The following CRISPLD1 variants were observed in gnomAD, a reference collection of about 807,000 sequenced individuals.
CRISPLD1 encodes the protein cysteine-rich secretory protein LCCL domain-containing 1.
Under a neutral mutation model 77.5 loss-of-function variants are expected in CRISPLD1, and 60 were observed. The observed-to-expected ratio is 0.77, with a 90% CI of 0.63 to 0.96. The LOEUF (loss-of-function observed/expected upper bound fraction) is 0.96. CRISPLD1 is among the 40% of genes least tolerant of loss of function. CRISPLD1 has a pLI of 0.00. For missense variants in CRISPLD1, 623 were observed against 615.8 expected, an observed-to-expected ratio of 1.01 and a Z score of -0.12; for synonymous variants, 195 against 200.1, an observed-to-expected ratio of 0.97 and a Z score of 0.22.
chr8:75,008,940 T>C (rs879060543), intron 2 of CRISPLD1, among the ~76,000 whole-genome samples: 1 of 152,172 alleles, frequency 6.6e-6, no homozygotes, highest in Non-Finnish European at 1.5e-5. Flanking sequence ...ATAAGCAAAC[T>C]TGAAACACTT....
intron 2 of CRISPLD1, among the ~76,000 whole-genome samples, chr8:75,005,836 G>C (rs1812820808): frequency 6.6e-6 from 1 of 152,160 alleles, no homozygotes. Flanking sequence ...CTCCAGCCTA[G>C]ATCCGGACTT....
chr8:74,989,941 C>T (rs1204450684), intron 2 of CRISPLD1, among the ~76,000 whole-genome samples: 1 of 152,058 alleles, frequency 6.6e-6, no homozygotes, highest in Non-Finnish European at 1.5e-5. Flanking sequence ...AGAATGAAAT[C>T]ATGTCTTTTG....
chr8:75,031,817 T>G (rs1200128124), intron 14 of CRISPLD1, among the ~76,000 whole-genome samples: 4 of 152,012 alleles, frequency 2.6e-5, no homozygotes, highest in African/African-American at 9.7e-5. Flanking sequence ...GCATATCAGT[T>G]GTAAATCTGA....
At chr8:74,998,242 G>A (rs1309214280) in intron 2 of CRISPLD1, among the ~76,000 whole-genome samples, 1 of 152,146 alleles carries the variant, frequency 6.6e-6, no homozygotes, top group East Asian at 1.9e-4. Flanking sequence ...CATCAGCTGA[G>A]TTGAGAGGGC....
Position 75,029,158 on chromosome 8 carries a change from T to TA in CRISPLD1, c.1321-228dup, listed in dbSNP as rs534948455. Among the ~76,000 whole-genome samples, 41 of 152,338 alleles carry TA rather than the reference T, an allele frequency of 2.7e-4. No homozygotes were observed. The East Asian group carries it at 7.9e-3, about 29-fold the overall frequency. On this transcript the variant is annotated intron_variant, in intron 13 of 14. Transcript: ENST00000262207. ...GCTAGATTAGATTGGGGAGGGGTCT[T>TA]ACCGTTGCAGTCACCTTTAAGGTTG...
intron 2 of CRISPLD1, among the ~76,000 whole-genome samples, chr8:75,003,285 A>G (rs1812776597): frequency 6.6e-6 from 1 of 152,198 alleles, no homozygotes; most frequent in African/African-American, 2.4e-5. Context: ...TTTGGATGTC[A>G]AATTGTAGAT....
At chr8:75,031,757 C>T (rs1009393111) in intron 14 of CRISPLD1, among the ~76,000 whole-genome samples, 5 of 151,954 alleles carry the variant, frequency 3.3e-5, no homozygotes, top group African/African-American at 1.2e-4. Context: ...AATAAGCTAG[C>T]GCTCTAGAGT....
chr8:75,029,404 A>T lies in CRISPLD1; in HGVS notation c.1338A>T (p.Arg446Ser). 1 of 1,613,288 alleles carries T rather than the reference A, an allele frequency of 6.2e-7. No individual in the cohort carries two copies. The highest frequency in any genetic ancestry group is 1.1e-5 in the South Asian group (1 of 90,998). Residue 446 changes from arginine to serine, a missense_variant, in exon 14 of 15, where the codon AGA (arginine) becomes AGT (serine). By Grantham distance (110) the Arg-to-Ser change is moderately radical (BLOSUM62 -1). Transcript: ENST00000262207. ...RVYSDLSSIC[R>S]AAVHAGVVRN... is the part of the protein sequence containing the mutation. ...CTTCTCAGCTGTCCAGTATCTGCAG[A>T]GCAGCAGTACATGCTGGAGTGGTTC...
At chr8:75,011,943 A>G (rs1457173091) in intron 2 of CRISPLD1, among the ~76,000 whole-genome samples, 3 of 152,208 alleles carry the variant, frequency 2.0e-5, no homozygotes, top group Non-Finnish European at 4.4e-5. Context: ...GATAGCTTAC[A>G]TCTAAGAGAA....
rs989961410 is a variant in CRISPLD1, at chr8:75,014,119, C to T, written c.626+17C>T. The stretch of plus-strand genomic sequence containing the variant: ...CTCCCCAAAGTGAGTAGACAAAACA[C>T]TACGTTCAGATGTACATTTTTCTTA... On this transcript the variant is annotated intron_variant, in intron 5 of 14. Coordinates refer to ENST00000262207, the MANE Select transcript of CRISPLD1 (RefSeq NM_031461.6). The T allele has an allele frequency of 2.1e-6, 3 of 1,446,360 alleles. No individual in the cohort carries two copies. Among genetic ancestry groups the T allele is most frequent in the African/African-American group, 1.4e-5 (1 of 71,676 alleles). 89.6% of individuals were successfully genotyped at this position (1,446,360 alleles called of 1,614,324 possible).
At chr8:74,987,736 G>T (rs72622856) in intron 2 of CRISPLD1, among the ~76,000 whole-genome samples, 18,893 of 152,094 alleles carry the variant, frequency 0.12, 1,720 homozygotes, top group African/African-American at 0.25. Context: ...CTCCAACTAG[G>T]CTACTGTATG....
intron 5 of CRISPLD1, among the ~76,000 whole-genome samples, chr8:75,014,471 A>T (rs1812992147): frequency 6.6e-6 from 1 of 152,144 alleles, no homozygotes; most frequent in Admixed American, 6.5e-5. Context: ...TAACAATGTG[A>T]CACAATCATA....
intron 3 of CRISPLD1, 37 bp from the exon 4 acceptor site, chr8:75,012,853 C>A (rs771653656): frequency 1.9e-6 from 3 of 1,577,536 alleles, no homozygotes; most frequent in Non-Finnish European, 2.6e-6. Flanking sequence ...TTTTCTCCAA[C>A]TTTGCTTGCC....
Position 74,990,078 on chromosome 8 carries a change from TG to T in CRISPLD1, c.258+3834del. 2.0e-5 allele frequency among the ~76,000 whole-genome samples: 3 copies of T among 152,278 alleles called. No homozygotes were observed. The East Asian group carries it at 5.8e-4, about 29-fold the overall frequency. On this transcript the variant is annotated intron_variant, in intron 2 of 14. Coordinates refer to ENST00000262207, the MANE Select transcript of CRISPLD1 (RefSeq NM_031461.6). ...GTGCACATGGACATAGGAAGTGGAC[TG>T]ATAAACACCGGAGACTTGGAAAGGT...
At chr8:74,994,931 G>A (rs971427054) in intron 2 of CRISPLD1, among the ~76,000 whole-genome samples, 3 of 152,164 alleles carry the variant, frequency 2.0e-5, no homozygotes, top group Non-Finnish European at 4.4e-5. Context: ...GAAAGATGGG[G>A]CGCAGTGTGA....
At chr8:75,030,606 A>T (rs1031933871) in intron 14 of CRISPLD1, among the ~76,000 whole-genome samples, 12 of 152,024 alleles carry the variant, frequency 7.9e-5, no homozygotes, top group Non-Finnish European at 1.3e-4. Flanking sequence ...CAGATGTTAG[A>T]TGCTCCTGAG....
intron 13 of CRISPLD1, chr8:75,026,840 C>G (rs1424511102): frequency 6.6e-6 from 1 of 152,154 alleles, no homozygotes; most frequent in African/African-American, 2.4e-5. Flanking sequence ...GAGTCTCTCT[C>G]AAGCTCCAGA....
chr8:75,000,587 G>C (rs528605214), intron 2 of CRISPLD1, among the ~76,000 whole-genome samples: 1 of 152,046 alleles, frequency 6.6e-6, no homozygotes, highest in East Asian at 1.9e-4. Flanking sequence ...TCTCCTTTCT[G>C]CTTCCTTTAA....
chr8:74,993,297 T>G (rs1360658873), intron 2 of CRISPLD1, among the ~76,000 whole-genome samples: 1 of 152,224 alleles, frequency 6.6e-6, no homozygotes, highest in Admixed American at 6.5e-5. Context: ...GTTGCTTGAC[T>G]GGTCATTTTC....
Sources: gnomAD v4.1 joint callset for allele counts (sites outside exome capture counted in the v4.1 genomes callset) on GRCh38, gnomAD v4.1.1 for gene constraint, MANE v1.5 for transcripts, NCBI Gene and HGNC (gene_info 2026-07-23, HGNC 2026-07-21) for gene names.